ACSL6: variants seen among roughly 807,000 people sequenced by gnomAD.
The protein encoded by ACSL6 is acyl-CoA synthetase long chain family member 6.
In ACSL6, 47 loss-of-function variants were observed where a neutral mutation model predicts 98.2. The ratio of observed to expected loss-of-function variants is 0.48; its 90% CI spans 0.38 to 0.61. The LOEUF is 0.61. Ranked by LOEUF, ACSL6 falls within the 20% of genes least tolerant of loss-of-function variation. ACSL6 has a pLI of 0.00. For synonymous variants in ACSL6, 362 were observed against 336.9 expected (o/e 1.07, Z -0.82); for missense variants, 761 against 913.4 (o/e 0.83, Z 2.15).
In ACSL6 at chr5:131,966,513, T is replaced by C; in HGVS notation, c.1616A>G (p.Asn539Ser). The stretch of plus-strand genomic sequence containing the variant: ...ATCTTTCAAGTAGCCTTTGAACACA[T>C]TTGGTCCTCTCACACATATCTATGG... ...GEGEICVRGP[N>S]VFKGYLKDPD... Residue 539 changes from asparagine to serine, a missense_variant, in exon 17 of 21, where the codon AAT becomes AGT. By Grantham distance (46) the Asn-to-Ser change is conservative. Coordinates refer to ENST00000651883, the MANE Select transcript of ACSL6 (RefSeq NM_001009185.3). 2 of 1,614,130 alleles carry C rather than the reference T, an allele frequency of 1.2e-6. No individual in the cohort carries two copies. The highest frequency in any genetic ancestry group is 1.7e-6 in the Non-Finnish European group (2 of 1,180,000).
intron 9 of ACSL6, among the ~76,000 whole-genome samples, chr5:131,981,344 A>AAC (rs1561793384): frequency 6.6e-5 from 10 of 151,390 alleles, no homozygotes; most frequent in Admixed American, 2.0e-4. Flanking sequence ...AAAAAAAAAA[A>AAC]ACACAACTTT....
intron 1 of ACSL6, among the ~76,000 whole-genome samples, chr5:132,009,099 T>A (rs1755571745): frequency 6.6e-6 from 1 of 152,212 alleles, no homozygotes; most frequent in African/African-American, 2.4e-5. Context: ...CAGGACTCAT[T>A]GCTGGCCTCT....
At chr5:131,964,031 A>G (rs1752875381) in intron 17 of ACSL6, among the ~76,000 whole-genome samples, 1 of 152,224 alleles carries the variant, frequency 6.6e-6, no homozygotes, top group South Asian at 2.1e-4. Flanking sequence ...TGATCTATTT[A>G]ACATGATTTC....
At position 131,952,691 on chromosome 5, in the gene ACSL6, A is replaced by G. The variant is rs1383969115; in HGVS notation, c.*1543T>C. 9.3e-6 allele frequency: 2 copies of G among 215,498 alleles called. No individual in the cohort carries two copies. The highest frequency in any genetic ancestry group is 4.5e-5 in the African/African-American group (2 of 44,274). The allele number at this position is 215,498 out of a possible 1,614,324, so 13.3% of individuals were successfully genotyped here. On this transcript the variant is annotated 3_prime_UTR_variant, in exon 21 of 21. Transcript: ENST00000651883. ...TGTCCATGGTATCTGGCCTTTAATT[A>G]TAAGAAATTGTTGACACCCCAATAC... is the stretch of plus-strand genomic sequence containing the variant.
chr5:131,985,416 C>A lies in ACSL6; in HGVS notation c.907G>T (p.Gly303Cys). The change falls in exon 9 of 21, where the codon GGC becomes TGC. Residue 303 changes from glycine (G) to cysteine (C), a missense_variant. Coordinates refer to ENST00000651883, the MANE Select transcript of ACSL6 (RefSeq NM_001009185.3). ...GCGTGCCTCTGCTTACCTGTCGTGC[C>A]GCTTGTGAAACACACAATGGAGAGG... ...DDLSIVCFTS[G>C]TTGNPKGAML... The A allele has an allele frequency of 6.2e-7, 1 of 1,614,036 alleles. No homozygotes were observed. Among genetic ancestry groups the A allele is most frequent in the Admixed American group, 1.7e-5 (1 of 60,022 alleles).
chr5:131,985,539 G>T, intron 8 of ACSL6, 81 bp from the exon 9 acceptor site: 1 of 1,460,038 alleles, frequency 6.8e-7, no homozygotes, highest in South Asian at 1.2e-5. Flanking sequence ...TCCCCAACCA[G>T]CCAGGCCCAT....
intron 14 of ACSL6, 80 bp from the exon 15 acceptor site, chr5:131,970,280 C>T (rs1753233962): frequency 2.3e-6 from 3 of 1,317,078 alleles, no homozygotes; most frequent in Middle Eastern, 2.2e-4. Flanking sequence ...GACAGCTAAC[C>T]TCCCACTGAG....
intron 3 of ACSL6, 116 bp from the exon 4 acceptor site, chr5:131,990,280 A>T: frequency 1.0e-6 from 1 of 989,316 alleles, no homozygotes; most frequent in Non-Finnish European, 1.5e-6. Flanking sequence ...CCATGGGCCA[A>T]GTGAACTGCC....
intron 11 of ACSL6, among the ~76,000 whole-genome samples, chr5:131,974,551 G>C (rs1580650892): frequency 6.6e-6 from 1 of 152,334 alleles, no homozygotes; most frequent in Admixed American, 6.5e-5. Context: ...CCATGGGTAA[G>C]ACAGGGCAGG....
intron 20 of ACSL6, 120 bp downstream of exon 20, chr5:131,959,416 C>G: frequency 9.2e-7 from 1 of 1,090,304 alleles, no homozygotes. Context: ...CATTGGTACA[C>G]AGCCTGCTGG....
Position 131,976,032 on chromosome 5 carries a change from CT to C in ACSL6, c.990+615del, listed in dbSNP as rs1019320094. The C allele has an allele frequency of 3.0e-6, 3 of 985,322 alleles. No homozygotes were observed. In the African/African-American group the frequency reaches 5.2e-5, roughly 17 times the overall value. The allele number at this position is 985,322 out of a possible 1,614,324, so 61.0% of individuals were successfully genotyped here. On this transcript the variant is annotated intron_variant, in intron 10 of 20. Coordinates refer to ENST00000651883, the MANE Select transcript of ACSL6 (RefSeq NM_001009185.3). ...TCTCCACAGTGAAGAAAAAGCCAAA[CT>C]TTTTTGAAAAGATACACTCCTTTAT...
Position 131,987,959 on chromosome 5 carries a change from C to G in ACSL6, c.831+89G>C. ...CCCTGCGGGCCCAAAACAGCCACCC[C>G]AGGGCATGAGAGGGACAGATAACCA... On this transcript the variant is annotated intron_variant, in intron 7 of 20. Transcript: ENST00000651883. The G allele has an allele frequency of 2.6e-6, 4 of 1,540,694 alleles. No homozygotes were observed. The Admixed American group carries it at 7.3e-5, about 28-fold the overall frequency.
At chr5:131,979,450 C>T (rs1011331623) in intron 9 of ACSL6, among the ~76,000 whole-genome samples, 9 of 152,138 alleles carry the variant, frequency 5.9e-5, no homozygotes, top group Admixed American at 2.0e-4. Flanking sequence ...ATTCTAAAGC[C>T]GCCATTCAGT....
intron 3 of ACSL6, 141 bp from the exon 4 acceptor site, chr5:131,990,305 G>T: frequency 1.3e-6 from 1 of 759,436 alleles, no homozygotes; most frequent in Non-Finnish European, 2.2e-6. Context: ...TGCACTGCCA[G>T]CTACCTGTCT....
intron 19 of ACSL6, 67 bp downstream of exon 19, chr5:131,960,453 G>C: frequency 7.4e-7 from 1 of 1,344,272 alleles, no homozygotes; most frequent in Non-Finnish European, 1.0e-6. Flanking sequence ...CAACTTTTCT[G>C]TCTTCTCATT....
At chr5:131,988,559 G>C in intron 6 of ACSL6, 11 of 1,612,366 alleles carry the variant, frequency 6.8e-6, no homozygotes, top group Non-Finnish European at 9.3e-6. Flanking sequence ...GCTGTACCCT[G>C]TGTGGAGGCT....
rs772025200 is a variant in ACSL6, at chr5:131,990,216, C to T, written c.386-52G>A. 3.8e-6 allele frequency: 6 copies of T among 1,575,268 alleles called. No homozygotes were observed. In the African/African-American group the frequency reaches 5.4e-5, roughly 14 times the overall value. On this transcript the variant is annotated intron_variant, in intron 3 of 20. Coordinates refer to ENST00000651883, the MANE Select transcript of ACSL6 (RefSeq NM_001009185.3). ...TCAGAGAGGGGTCAGAGTGGGTGTG[C>T]CACCTGCATCCGCCCATCAGAAACC...
rs2149725433 is a variant in ACSL6 at position 131,974,610 on chromosome 5, G to A, written c.1068+283C>T. On this transcript the variant is annotated intron_variant, in intron 11 of 20. Coordinates refer to ENST00000651883, the MANE Select transcript of ACSL6 (RefSeq NM_001009185.3). ...GCTCCCAGGAGGGACAAGTGGGGTG[G>A]CTAAAGTCCTCTGAGCCCTCTGACC... 4 of 865,274 alleles carry A rather than the reference G, an allele frequency of 4.6e-6. No homozygotes were observed. The South Asian group carries it at 6.8e-5, about 15-fold the overall frequency. The allele number at this position is 865,274 out of a possible 1,614,324, so 53.6% of individuals were successfully genotyped here.
chr5:131,990,986 C>A lies in ACSL6; in HGVS notation c.271-19G>T. On this transcript the variant is annotated intron_variant, in intron 2 of 20. Transcript: ENST00000651883. ...CACTGTCCTACAAGCCAAGCACCGG[C>A]CAGAGAAGTTGGCTGAGGCAGGTAG... is the stretch of plus-strand genomic sequence containing the variant. 2 of 1,612,612 alleles carry A rather than the reference C, an allele frequency of 1.2e-6. No homozygotes were observed. Among genetic ancestry groups the A allele is most frequent in the East Asian group, 2.2e-5 (1 of 44,872 alleles).
Sources: gnomAD v4.1 joint callset for allele counts (sites outside exome capture counted in the v4.1 genomes callset) on GRCh38, gnomAD v4.1.1 for gene constraint, MANE v1.5 for transcripts, NCBI Gene and HGNC (gene_info 2026-07-23, HGNC 2026-07-21) for gene names.